ALCAM: variants seen among roughly 807,000 people sequenced by gnomAD.
ALCAM encodes the protein CD166 antigen.
Under a neutral mutation model 70.9 loss-of-function variants are expected in ALCAM, and 30 were observed. The observed-to-expected ratio is 0.42, with a 90% confidence interval of 0.32 to 0.57. The LOEUF (loss-of-function observed/expected upper bound fraction) is 0.57. ALCAM is among the 20% of genes least tolerant of loss of function. The pLI, the probability that ALCAM is intolerant of heterozygous loss-of-function variation, is 0.11. For missense variants in ALCAM, 591 were observed against 695.1 expected, an observed-to-expected ratio of 0.85 and a Z score of 1.68; for synonymous variants, 249 against 242.5, an observed-to-expected ratio of 1.03 and a Z score of -0.25.
At chr3:105,488,586 G>T (rs1410288689) in intron 1 of ALCAM, among the ~76,000 whole-genome samples, 1 of 150,814 alleles carries the variant, frequency 6.6e-6, no homozygotes, top group Admixed American at 6.7e-5. Context: ...GTGAATTCAT[G>T]AATTTCAACA....
At chr3:105,564,754 A>C (rs1264823695) in intron 14 of ALCAM, among the ~76,000 whole-genome samples, 1 of 152,202 alleles carries the variant, frequency 6.6e-6, no homozygotes, top group Non-Finnish European at 1.5e-5. Flanking sequence ...TCCTAGCTAC[A>C]CAAGGAGATC....
At chr3:105,516,496 C>T (rs1183100275) in intron 1 of ALCAM, among the ~76,000 whole-genome samples, 1 of 151,978 alleles carries the variant, frequency 6.6e-6, no homozygotes, top group African/African-American at 2.4e-5. Context: ...TTTTCCTGTG[C>T]TCACCGCATT....
chr3:105,572,810 C>A (rs1190421157), intron 15 of ALCAM, among the ~76,000 whole-genome samples: 3 of 152,120 alleles, frequency 2.0e-5, no homozygotes, highest in Non-Finnish European at 4.4e-5. Context: ...GGAAACTTAC[C>A]AGTTTCCCCC....
rs890499740 is a variant in ALCAM at position 105,421,354 on chromosome 3, A to G, written c.73+53873A>G. Among the ~76,000 whole-genome samples the G allele has an allele frequency of 7.6e-4, 115 of 151,522 alleles. 1 individual carries two copies. The highest frequency in any genetic ancestry group is 8.3e-4 in the South Asian group (4 of 4,830). ...TTGTGCTATGGTTCTTTTGTGGTCC[A>G]TAGCAATTTAATTCTTTGTGATGAA... On this transcript the variant is annotated intron_variant, in intron 1 of 15. Coordinates refer to ENST00000306107, the MANE Select transcript of ALCAM (RefSeq NM_001627.4).
chr3:105,399,496 G>A (rs753154735), intron 1 of ALCAM, among the ~76,000 whole-genome samples: 3 of 151,902 alleles, frequency 2.0e-5, no homozygotes, highest in Non-Finnish European at 2.9e-5. Context: ...ATATTTAGTG[G>A]CAATAAATGT....
intron 1 of ALCAM, 55 bp downstream of exon 1, chr3:105,367,536 T>A: frequency 6.3e-7 from 1 of 1,598,382 alleles, no homozygotes; most frequent in Non-Finnish European, 8.6e-7. Flanking sequence ...AGCAGTTTCC[T>A]AGGTCCCCGT....
At chr3:105,534,051 C>A (rs189969276) in intron 5 of ALCAM, among the ~76,000 whole-genome samples, 33 of 152,190 alleles carry the variant, frequency 2.2e-4, no homozygotes, top group Non-Finnish European at 4.3e-4. Context: ...ATTCTCATAA[C>A]AAGTATGCAA....
intron 14 of ALCAM, among the ~76,000 whole-genome samples, chr3:105,568,053 A>ATT (rs1175221243): frequency 9.8e-6 from 1 of 101,890 alleles, no homozygotes; most frequent in Non-Finnish European, 2.0e-5. Context: ...TTATTATTTT[A>ATT]TTTTATTTTA....
intron 1 of ALCAM, among the ~76,000 whole-genome samples, chr3:105,495,518 A>C (rs570686838): frequency 6.6e-6 from 1 of 152,356 alleles, no homozygotes; most frequent in Admixed American, 6.5e-5. Context: ...CTGGTTCAAA[A>C]AAATGACATA....
intron 1 of ALCAM, among the ~76,000 whole-genome samples, chr3:105,403,444 C>A (rs1241104190): frequency 6.6e-6 from 1 of 152,144 alleles, no homozygotes; most frequent in Non-Finnish European, 1.5e-5. Flanking sequence ...CCAGCCTAAG[C>A]TGGTAGCTCC....
At chr3:105,416,110 G>T (rs1936501105) in intron 1 of ALCAM, among the ~76,000 whole-genome samples, 1 of 151,956 alleles carries the variant, frequency 6.6e-6, no homozygotes, top group South Asian at 2.1e-4. Context: ...ATTCTTTGCT[G>T]CATCTGTCAT....
chr3:105,457,564 AT>A (rs959328103), intron 1 of ALCAM, among the ~76,000 whole-genome samples: 30 of 151,656 alleles, frequency 2.0e-4, no homozygotes, highest in African/African-American at 4.4e-4. Context: ...AAAAAAAAAA[AT>A]TTTTTTTTAA....
In ALCAM at chr3:105,574,728, T is replaced by C. The variant is rs1940925065; in HGVS notation, c.*277T>C. On this transcript the variant is annotated 3_prime_UTR_variant, in exon 16 of 16. Transcript: ENST00000306107. Reference sequence around the variant, plus strand: ...ATTTTTTTTCCGTAAATGTCTGCACTGAGGATTTCTTTTTGGTTTGCCTTT... The same window carrying C: ...ATTTTTTTTCCGTAAATGTCTGCACCGAGGATTTCTTTTTGGTTTGCCTTT... The C allele has an allele frequency of 6.6e-6, 1 of 152,636 alleles. No individual in the cohort carries two copies. Among genetic ancestry groups the C allele is most frequent in the African/African-American group, 2.4e-5 (1 of 41,456 alleles). 9.5% of individuals were successfully genotyped at this position (152,636 alleles called of 1,614,324 possible).
At chr3:105,569,917 C>T (rs1314279495) in intron 14 of ALCAM, among the ~76,000 whole-genome samples, 1 of 152,058 alleles carries the variant, frequency 6.6e-6, no homozygotes, top group African/African-American at 2.4e-5. Flanking sequence ...AAGAACCATG[C>T]CTTAGGAATA....
At chr3:105,551,022 A>G (rs1026230312) in intron 12 of ALCAM, among the ~76,000 whole-genome samples, 1 of 151,586 alleles carries the variant, frequency 6.6e-6, no homozygotes, top group African/African-American at 2.4e-5. Context: ...AGTTCTGGAC[A>G]GGATGCTAAC....
intron 1 of ALCAM, among the ~76,000 whole-genome samples, chr3:105,379,503 A>T (rs1935461441): frequency 6.6e-6 from 1 of 151,978 alleles, no homozygotes; most frequent in South Asian, 2.1e-4. Flanking sequence ...AACACGTGTT[A>T]AAATTATAAA....
chr3:105,412,224 A>G (rs1256343701), intron 1 of ALCAM, among the ~76,000 whole-genome samples: 1 of 152,146 alleles, frequency 6.6e-6, no homozygotes, highest in Non-Finnish European at 1.5e-5. Context: ...TATGTGTCCA[A>G]ATAATTAGGA....
chr3:105,488,754 G>A (rs1938501683), intron 1 of ALCAM, among the ~76,000 whole-genome samples: 1 of 151,300 alleles, frequency 6.6e-6, no homozygotes, highest in Non-Finnish European at 1.5e-5. Flanking sequence ...AAGGAGGGAA[G>A]GAAGGAGGGA....
At chr3:105,410,831 G>A (rs1160305488) in intron 1 of ALCAM, among the ~76,000 whole-genome samples, 2 of 79,016 alleles carry the variant, frequency 2.5e-5, no homozygotes, top group East Asian at 1.4e-3. Flanking sequence ...TGATTGTGGG[G>A]CACTTTGAAA....
Sources: allele counts gnomAD v4.1 joint callset (sites outside exome capture counted in the v4.1 genomes callset), GRCh38; gene constraint gnomAD v4.1.1; transcripts MANE v1.5; gene names NCBI Gene and HGNC (gene_info 2026-07-23, HGNC 2026-07-21).